ADGRA3: variants seen among roughly 807,000 people sequenced by gnomAD.
The protein encoded by ADGRA3 is G-protein coupled receptor 125.
A neutral mutation model predicts 119.8 loss-of-function variants in ADGRA3; 56 were observed. The ratio of observed to expected loss-of-function variants is 0.47; its 90% confidence interval spans 0.38 to 0.58. The LOEUF (loss-of-function observed/expected upper bound fraction) is 0.58. Ranked by LOEUF, ADGRA3 falls within the 20% of genes least tolerant of loss-of-function variation. The pLI is 0.00. For synonymous variants in ADGRA3, 607 were observed against 623.8 expected, an observed-to-expected ratio of 0.97 and a Z score of 0.40; for missense variants, 1,516 against 1,649.0, an observed-to-expected ratio of 0.92 and a Z score of 1.40.
intron 1 of ADGRA3, among the ~76,000 whole-genome samples, chr4:22,487,073 T>A (rs993746191): frequency 2.0e-5 from 3 of 152,128 alleles, no homozygotes; most frequent in African/African-American, 7.2e-5. Context: ...CCTGAAAAGG[T>A]CAACAGCATC....
intron 1 of ADGRA3, among the ~76,000 whole-genome samples, chr4:22,495,666 T>C (rs1320356936): frequency 6.6e-6 from 1 of 151,484 alleles, no homozygotes; most frequent in Admixed American, 6.6e-5. Context: ...CCCAGCACTT[T>C]GGGAGGCCAG....
At chr4:22,498,147 G>A (rs1234439416) in intron 1 of ADGRA3, among the ~76,000 whole-genome samples, 1 of 151,738 alleles carries the variant, frequency 6.6e-6, no homozygotes, top group Non-Finnish European at 1.5e-5. Flanking sequence ...AGGCTGGGTG[G>A]GGCAGGAGAA....
rs562387351 is a variant in ADGRA3, at chr4:22,468,549, ACTTG to A, written c.329+5219_329+5222del. Among the ~76,000 whole-genome samples the A allele has an allele frequency of 2.0e-3, 305 of 152,256 alleles. 1 individual carries two copies. Among genetic ancestry groups the A allele is most frequent in the African/African-American group, 7.0e-3 (290 of 41,548 alleles). On this transcript the variant is annotated intron_variant, in intron 2 of 18. Transcript: ENST00000334304. ...TTTGGGAGGCTGAGGCGGACAGATC[ACTTG>A]AGGTCAGGAGTTTGAGACCAGCCTG...
intron 14 of ADGRA3, among the ~76,000 whole-genome samples, chr4:22,412,038 A>G (rs1715227428): frequency 6.6e-6 from 1 of 152,062 alleles, no homozygotes; most frequent in South Asian, 2.1e-4. Flanking sequence ...GCTAAATGCT[A>G]TTTTTTTAAG....
chr4:22,512,762 T>C (rs955119579), intron 1 of ADGRA3, among the ~76,000 whole-genome samples: 14 of 152,126 alleles, frequency 9.2e-5, no homozygotes, highest in Admixed American at 3.3e-4. Flanking sequence ...TGCTAATAGA[T>C]TGATTTGGGG....
intron 1 of ADGRA3, among the ~76,000 whole-genome samples, chr4:22,514,134 C>G (rs1719555582): frequency 1.3e-5 from 2 of 152,102 alleles, no homozygotes. Context: ...ATGTTTATAA[C>G]ATAACTGCAT....
intron 10 of ADGRA3, 120 bp downstream of exon 10, chr4:22,435,191 A>AAATT: frequency 2.3e-6 from 2 of 867,964 alleles, no homozygotes; most frequent in Non-Finnish European, 3.6e-6. Context: ...TGGAAATTTA[A>AAATT]AAGCATGCTT....
At chr4:22,461,068 T>C (rs1043622505) in intron 3 of ADGRA3, among the ~76,000 whole-genome samples, 2 of 152,216 alleles carry the variant, frequency 1.3e-5, no homozygotes, top group Non-Finnish European at 2.9e-5. Flanking sequence ...TAGATACACA[T>C]GAAAATAGCA....
chr4:22,390,365 G>A (rs550918459), intron 17 of ADGRA3, among the ~76,000 whole-genome samples: 4,684 of 20,176 alleles, frequency 0.23, 567 homozygotes, highest in African/African-American at 0.32. Flanking sequence ...TATATAATAC[G>A]TATTATATAT....
chr4:22,409,833 G>C (rs558733180), intron 14 of ADGRA3, among the ~76,000 whole-genome samples: 2 of 152,216 alleles, frequency 1.3e-5, no homozygotes, highest in South Asian at 2.1e-4. Flanking sequence ...CCATAAACAC[G>C]AGGGTCTCCT....
At chr4:22,454,048 A>G (rs1028974561) in intron 4 of ADGRA3, among the ~76,000 whole-genome samples, 1 of 152,036 alleles carries the variant, frequency 6.6e-6, no homozygotes, top group African/African-American at 2.4e-5. Flanking sequence ...TTTAGTAGAG[A>G]TGGGGTTTTA....
intron 3 of ADGRA3, among the ~76,000 whole-genome samples, chr4:22,457,180 G>A (rs867331398): frequency 5.3e-5 from 8 of 152,086 alleles, no homozygotes; most frequent in African/African-American, 1.7e-4. Flanking sequence ...ACTTAAATTC[G>A]TTGATAAAAC....
At chr4:22,493,436 A>C (rs1350791316) in intron 1 of ADGRA3, among the ~76,000 whole-genome samples, 2 of 152,216 alleles carry the variant, frequency 1.3e-5, no homozygotes, top group Admixed American at 6.5e-5. Flanking sequence ...GCAACATAAC[A>C]GTACCATCCA....
At chr4:22,441,866 T>C (rs1235964532) in intron 7 of ADGRA3, among the ~76,000 whole-genome samples, 4 of 152,178 alleles carry the variant, frequency 2.6e-5, no homozygotes, top group Admixed American at 2.6e-4. Context: ...ACTGCATAAG[T>C]CTTGAATCTC....
rs1271007842 is a variant in ADGRA3, at chr4:22,436,534, C to T, written c.1193G>A (p.Arg398His). Residue 398 changes from arginine (R) to histidine (H), a missense_variant, in exon 9 of 19, where the codon CGC becomes CAC. This residue lies in a region of ADGRA3 where 428 missense variants were observed against 541.9 expected (regional missense o/e 0.79). Transcript: ENST00000334304. ...GNPQDERKAW[R>H]RCDRGGFWAD... is the part of the protein sequence containing the mutation. ...CCAAAAGCCACCTCTATCACATCTGCGCCAAGCTTTTCTCTCATCCTGTGG... is the reference window on the plus strand; with the variant it reads ...CCAAAAGCCACCTCTATCACATCTGTGCCAAGCTTTTCTCTCATCCTGTGG... 4 of 1,613,662 alleles carry T rather than the reference C, an allele frequency of 2.5e-6. No individual in the cohort carries two copies. Among genetic ancestry groups the T allele is most frequent in the Middle Eastern group, 1.7e-4 (1 of 5,916 alleles).
At chr4:22,500,192 C>T (rs199698775) in intron 1 of ADGRA3, among the ~76,000 whole-genome samples, 1 of 133,860 alleles carries the variant, frequency 7.5e-6, no homozygotes, top group African/African-American at 2.6e-5. Context: ...AACTGTTCTA[C>T]AAAGGCTTAC....
intron 1 of ADGRA3, chr4:22,514,653 C>G (rs779642803): frequency 2.6e-5 from 4 of 152,178 alleles, no homozygotes; most frequent in Non-Finnish European, 2.9e-5. Context: ...ACAAAATACC[C>G]ATGAGAAACA....
chr4:22,406,896 C>G (rs540061930), intron 14 of ADGRA3, among the ~76,000 whole-genome samples: 1 of 152,090 alleles, frequency 6.6e-6, no homozygotes, highest in African/African-American at 2.4e-5. Context: ...CCATTATTAG[C>G]TTTCCCACCT....
In ADGRA3 at chr4:22,387,995, C is replaced by A. The variant is rs1299434323; in HGVS notation, c.3676G>T (p.Ala1226Ser). ...GHSRSRRAYL[A>S]YRERQYNPPQ... ...GGGTTGTACTGTCTCTCTCTGTAGGCTAAATAAGCTCTTCGGCTCCTCGAG... is the reference window on the plus strand; with the variant it reads ...GGGTTGTACTGTCTCTCTCTGTAGGATAAATAAGCTCTTCGGCTCCTCGAG... The change falls in exon 19 of 19, where the codon GCC (alanine) becomes TCC (serine). Residue 1226 changes from alanine to serine, a missense_variant. By Grantham distance (99) the Ala-to-Ser change is moderately conservative. Around this residue, in one of 2 missense-constraint regions of ADGRA3, gnomAD observed 1,088 missense variants for 1,107.1 expected, o/e 0.98. Transcript: ENST00000334304. 6.2e-7 allele frequency: 1 copy of A among 1,614,130 alleles called. No homozygotes were observed. The highest frequency in any genetic ancestry group is 2.2e-5 in the East Asian group (1 of 44,854).
Sources: allele counts gnomAD v4.1 joint callset (sites outside exome capture counted in the v4.1 genomes callset), GRCh38; gene constraint gnomAD v4.1.1; regional missense constraint gnomAD v4.1.1; transcripts MANE v1.5; gene names NCBI Gene and HGNC (gene_info 2026-07-23, HGNC 2026-07-21).